The following RANBP17 variants were observed in gnomAD, a reference collection of about 807,000 sequenced individuals.
The protein encoded by RANBP17 is RAN binding protein 17, also known as ran-binding protein 17.
Under a neutral mutation model 141.2 loss-of-function variants are expected in RANBP17, and 158 were observed. The ratio of observed to expected loss-of-function variants is 1.12; its 90% CI spans 0.98 to 1.28. RANBP17 has a LOEUF of 1.28. Ranked by LOEUF, RANBP17 falls within the 50% of genes most tolerant of loss-of-function variation. The pLI is 0.00. For missense variants in RANBP17, 1,438 were observed against 1,290.7 expected (o/e 1.11, Z -1.75); for synonymous variants, 430 against 450.0 (o/e 0.96, Z 0.56).
At chr5:170,942,220 TC>T (rs1774381162) in intron 12 of RANBP17, among the ~76,000 whole-genome samples, 2 of 152,058 alleles carry the variant, frequency 1.3e-5, no homozygotes, top group South Asian at 4.2e-4. Context: ...TCCTCCCCAG[TC>T]CGTGGAAAAA....
rs76463519 is a variant in RANBP17, at chr5:171,112,180, T to A, written c.1711-57950T>A. Among the ~76,000 whole-genome samples, 1,237 of 152,224 alleles carry A rather than the reference T, an allele frequency of 8.1e-3. 89 individuals are homozygous for A. The East Asian group carries it at 0.19, about 23-fold the overall frequency. ...TGGTGGATACATGGAGTCAGAAGAGTTAGTTAATGCTTGGTGAGCAGGGAT... is the reference window on the plus strand; with the variant it reads ...TGGTGGATACATGGAGTCAGAAGAGATAGTTAATGCTTGGTGAGCAGGGAT... On this transcript the variant is annotated intron_variant, in intron 14 of 27. Transcript: ENST00000523189.
At chr5:170,927,319 G>T (rs1257613052) in intron 12 of RANBP17, among the ~76,000 whole-genome samples, 1 of 152,056 alleles carries the variant, frequency 6.6e-6, no homozygotes, top group Non-Finnish European at 1.5e-5. Context: ...TGCAGAATGT[G>T]CAGGTTTGTT....
chr5:171,221,630 A>T (rs1454876150), intron 21 of RANBP17, 128 bp from the exon 22 acceptor site: 1 of 654,278 alleles, frequency 1.5e-6, no homozygotes, highest in African/African-American at 1.8e-5. Flanking sequence ...TTGTTTATAA[A>T]ATGGAGTGGA....
intron 14 of RANBP17, among the ~76,000 whole-genome samples, chr5:171,056,333 CT>C (rs1350248102): frequency 3.3e-5 from 5 of 152,086 alleles, no homozygotes; most frequent in Non-Finnish European, 7.4e-5. Flanking sequence ...TATAAACCAC[CT>C]TTTAAAGAGG....
At chr5:171,143,553 GC>G (rs1321325661) in intron 14 of RANBP17, 1 of 152,070 alleles carries the variant, frequency 6.6e-6, no homozygotes, top group African/African-American at 2.4e-5. Flanking sequence ...GCAGTTTAAG[GC>G]CTAGAGATAC....
At chr5:171,010,738 A>G (rs1027128067) in intron 14 of RANBP17, among the ~76,000 whole-genome samples, 4 of 152,170 alleles carry the variant, frequency 2.6e-5, no homozygotes, top group African/African-American at 4.8e-5. Flanking sequence ...TATAGATCCT[A>G]TAGATGTTAA....
intron 26 of RANBP17, among the ~76,000 whole-genome samples, chr5:171,295,476 C>T (rs1440824164): frequency 6.6e-6 from 1 of 152,086 alleles, no homozygotes; most frequent in Non-Finnish European, 1.5e-5. Flanking sequence ...GAGGAAAGAC[C>T]CTTGGCCTTG....
chr5:171,175,801 CT>C (rs79299003), intron 16 of RANBP17, among the ~76,000 whole-genome samples: 2,739 of 143,588 alleles, frequency 0.019, 29 homozygotes, highest in African/African-American at 0.038. Flanking sequence ...TTTATCCAAA[CT>C]TTTTTTTTTT....
chr5:170,932,294 A>C (rs1773457644), intron 12 of RANBP17, among the ~76,000 whole-genome samples: 1 of 152,168 alleles, frequency 6.6e-6, no homozygotes, highest in Non-Finnish European at 1.5e-5. Flanking sequence ...TTATCAGCTT[A>C]AGGAGATTTT....
intron 14 of RANBP17, among the ~76,000 whole-genome samples, chr5:171,070,832 T>G (rs1028157946): frequency 2.0e-5 from 3 of 152,158 alleles, no homozygotes; most frequent in African/African-American, 7.2e-5. Context: ...GAACTTGATT[T>G]TTACTCTTAT....
chr5:171,147,141 G>A (rs1196391319), intron 14 of RANBP17, among the ~76,000 whole-genome samples: 1 of 152,084 alleles, frequency 6.6e-6, no homozygotes, highest in African/African-American at 2.4e-5. Context: ...GGTGCATTTT[G>A]CAGTGCACAA....
intron 12 of RANBP17, among the ~76,000 whole-genome samples, chr5:170,947,502 T>TGG (rs148322041): frequency 3.3e-5 from 5 of 152,166 alleles, no homozygotes; most frequent in African/African-American, 1.2e-4. Context: ...TAGGAAATGC[T>TGG]GGGGGGGATT....
At chr5:171,039,990 C>T (rs1782150467) in intron 14 of RANBP17, among the ~76,000 whole-genome samples, 1 of 152,094 alleles carries the variant, frequency 6.6e-6, no homozygotes, top group Middle Eastern at 3.4e-3. Context: ...TCCAAAAAAT[C>T]GAGGAGGAAG....
intron 16 of RANBP17, among the ~76,000 whole-genome samples, chr5:171,171,783 G>C (rs904513285): frequency 1.3e-5 from 2 of 151,846 alleles, no homozygotes; most frequent in African/African-American, 2.4e-5. Flanking sequence ...GTAATACAAA[G>C]AAAATAAGTT....
intron 25 of RANBP17, among the ~76,000 whole-genome samples, chr5:171,267,561 ACCTTTGGGAGG>A (rs1156443770): frequency 6.6e-6 from 1 of 151,854 alleles, no homozygotes; most frequent in African/African-American, 2.4e-5. Context: ...TAATCTCAGC[ACCTTTGGGAGG>A]CCAAGGCAGG....
intron 14 of RANBP17, among the ~76,000 whole-genome samples, chr5:171,157,575 A>G (rs1758997420): frequency 6.6e-6 from 1 of 152,250 alleles, no homozygotes; most frequent in Non-Finnish European, 1.5e-5. Context: ...ACAATGTGGC[A>G]ACATATTTGC....
intron 14 of RANBP17, among the ~76,000 whole-genome samples, chr5:171,082,958 A>G (rs983528846): frequency 1.3e-5 from 2 of 152,030 alleles, no homozygotes; most frequent in Non-Finnish European, 2.9e-5. Flanking sequence ...TGCCTCTCCT[A>G]TCAAGTAAAC....
At chr5:171,089,527 C>A (rs1409388588) in intron 14 of RANBP17, among the ~76,000 whole-genome samples, 2 of 152,040 alleles carry the variant, frequency 1.3e-5, no homozygotes, top group Non-Finnish European at 2.9e-5. Context: ...CCTAAGCAAG[C>A]CTGGGCAATG....
intron 14 of RANBP17, among the ~76,000 whole-genome samples, chr5:171,089,809 G>A (rs560011131): frequency 6.6e-6 from 1 of 152,346 alleles, no homozygotes; most frequent in African/African-American, 2.4e-5. Flanking sequence ...GCCTCGCCCT[G>A]CTTAGGCTCG....
Sources: gnomAD v4.1 joint callset for allele counts (sites outside exome capture counted in the v4.1 genomes callset) on GRCh38, gnomAD v4.1.1 for gene constraint, MANE v1.5 for transcripts, NCBI Gene and HGNC (gene_info 2026-07-23, HGNC 2026-07-21) for gene names.